GAK: variants seen among roughly 807,000 people sequenced by gnomAD.
GAK encodes the protein cyclin G associated kinase.
A neutral mutation model predicts 143.9 loss-of-function variants in GAK; 79 were observed. That is an observed-to-expected ratio of 0.55 (90% CI 0.46 to 0.66). The LOEUF is 0.66. Ranked by LOEUF, GAK falls within the 30% of genes least tolerant of loss-of-function variation. GAK has a pLI of 0.00. For missense variants in GAK, 1,693 were observed against 1,779.7 expected (o/e 0.95, Z 0.88); for synonymous variants, 881 against 765.5 (o/e 1.15, Z -2.49).
intron 18 of GAK, among the ~76,000 whole-genome samples, chr4:874,907 CAGA>C (rs1713518880): frequency 6.6e-6 from 1 of 152,208 alleles, no homozygotes; most frequent in Non-Finnish European, 1.5e-5. Context: ...GCGCTGCTGT[CAGA>C]AGATCTTTTC....
At chr4:884,264 C>T (rs1715790742) in intron 11 of GAK, 178 bp from the exon 12 acceptor site, 1 of 587,878 alleles carries the variant, frequency 1.7e-6, no homozygotes, top group Non-Finnish European at 3.0e-6. Flanking sequence ...TGTGTGCGTG[C>T]TGTGGAGCTG....
rs371053953 is a variant in GAK at position 856,647 on chromosome 4, CCTG to C, written c.3283+2956_3283+2958del. 2.4e-3 allele frequency among the ~76,000 whole-genome samples: 367 copies of C among 150,528 alleles called. 2 individuals carry two copies. Among genetic ancestry groups the C allele is most frequent in the African/African-American group, 8.7e-3 (356 of 40,992 alleles). ...CACCTGCTCACCACAGCTGCTCACA[CCTG>C]CTCACCATAGCTCACCACAGCTGCT... On this transcript the variant is annotated intron_variant, in intron 24 of 27. Coordinates refer to ENST00000314167, the MANE Select transcript of GAK (RefSeq NM_005255.4).
chr4:856,776 A>G (rs139084910), intron 24 of GAK, among the ~76,000 whole-genome samples: 7 of 152,330 alleles, frequency 4.6e-5, no homozygotes, highest in Middle Eastern at 3.4e-3. Context: ...GGGTCTCACT[A>G]TATTGCTCAA....
chr4:921,110 C>CT (rs369937374), intron 1 of GAK, among the ~76,000 whole-genome samples: 10,809 of 148,644 alleles, frequency 0.073, 507 homozygotes, highest in Non-Finnish European at 0.11. Flanking sequence ...TCTTCTTTTT[C>CT]TTTTTTTTTT....
chr4:893,722 G>A, intron 8 of GAK, 152 bp downstream of exon 8: 1 of 964,980 alleles, frequency 1.0e-6, no homozygotes, highest in Non-Finnish European at 1.4e-6. Context: ...GAGCTCTCTG[G>A]AAACCCCCCC....
In GAK at chr4:849,777, A is replaced by G. The variant is rs1207025517; in HGVS notation, c.3835-3T>C. Reference sequence around the variant, plus strand: ...TGCTCGTACGGCTGCCCCGCAGCCTATGGGTGACAGGCGGTGTAAGCGCCT... The same window carrying G: ...TGCTCGTACGGCTGCCCCGCAGCCTGTGGGTGACAGGCGGTGTAAGCGCCT... On this transcript the variant is annotated splice_region_variant and splice_polypyrimidine_tract_variant and intron_variant, in intron 27 of 27. Transcript: ENST00000314167. 1.9e-6 allele frequency: 3 copies of G among 1,608,374 alleles called. No homozygotes were observed. The highest frequency in any genetic ancestry group is 2.6e-6 in the Non-Finnish European group (3 of 1,176,216).
chr4:922,384 G>A (rs761851200), intron 1 of GAK, among the ~76,000 whole-genome samples: 1 of 152,004 alleles, frequency 6.6e-6, no homozygotes, highest in Non-Finnish European at 1.5e-5. Context: ...GCATGGTGGT[G>A]GGCGCCTGTA....
chr4:898,006 C>T (rs1167105478), intron 6 of GAK, 27 bp downstream of exon 6: 1 of 1,598,388 alleles, frequency 6.3e-7, no homozygotes, highest in Non-Finnish European at 8.5e-7. Flanking sequence ...GGCCAGCTTC[C>T]CCCAGCATAG....
chr4:879,991 C>A (rs558052078), intron 15 of GAK, among the ~76,000 whole-genome samples: 1 of 152,350 alleles, frequency 6.6e-6, no homozygotes, highest in East Asian at 1.9e-4. Flanking sequence ...AAGAGTGGCC[C>A]ACTGGACCGC....
intron 18 of GAK, among the ~76,000 whole-genome samples, chr4:875,878 T>C (rs912526047): frequency 4.6e-5 from 7 of 151,654 alleles, no homozygotes; most frequent in African/African-American, 1.7e-4. Context: ...GTGGGTGGAG[T>C]TGCAGTGAGC....
intron 24 of GAK, among the ~76,000 whole-genome samples, chr4:856,490 C>T (rs922560126): frequency 1.2e-4 from 18 of 144,316 alleles, no homozygotes; most frequent in African/African-American, 4.1e-4. Context: ...CACAGCTGCT[C>T]ACACCTACTC....
At chr4:903,640 A>AGGAATGCGGGGCCTGAACTGACACCACCG (rs1720434802) in intron 5 of GAK, among the ~76,000 whole-genome samples, 1 of 136,112 alleles carries the variant, frequency 7.3e-6, no homozygotes, top group Non-Finnish European at 1.6e-5. Context: ...TGACACCACC[A>AGGAATGCGGGGCCTGAACTGACACCACCG]GGGGACTGAG....
At chr4:925,405 A>G (rs1047409763) in intron 1 of GAK, among the ~76,000 whole-genome samples, 1 of 152,212 alleles carries the variant, frequency 6.6e-6, no homozygotes, top group Non-Finnish European at 1.5e-5. Flanking sequence ...GGGACGGGAC[A>G]GAGTGCCGGG....
chr4:862,140 C>T (rs1299135409), intron 23 of GAK, among the ~76,000 whole-genome samples: 1 of 151,832 alleles, frequency 6.6e-6, no homozygotes, highest in Non-Finnish European at 1.5e-5. Context: ...GCTGAGACCA[C>T]TGACGAAGGG....
intron 2 of GAK, 57 bp downstream of exon 2, chr4:913,550 C>T (rs1722406413): frequency 1.5e-6 from 2 of 1,303,334 alleles, no homozygotes; most frequent in Non-Finnish European, 2.2e-6. Flanking sequence ...AGACTGTCAC[C>T]AGACAGTCCC....
At chr4:905,010 T>C (rs1419266437) in intron 4 of GAK, among the ~76,000 whole-genome samples, 1 of 152,208 alleles carries the variant, frequency 6.6e-6, no homozygotes, top group Non-Finnish European at 1.5e-5. Context: ...AACTTCACCC[T>C]GTCTTCTGAT....
chr4:891,541 G>A (rs549331520), intron 9 of GAK, among the ~76,000 whole-genome samples: 2 of 152,084 alleles, frequency 1.3e-5, no homozygotes, highest in Non-Finnish European at 2.9e-5. Context: ...GCTTAAGCAG[G>A]GGTCTAACGT....
chr4:855,515 G>A (rs997794252), intron 24 of GAK, among the ~76,000 whole-genome samples: 50 of 152,168 alleles, frequency 3.3e-4, no homozygotes, highest in Admixed American at 3.1e-3. Context: ...GCAGACAATC[G>A]TGTCATCTGC....
At chr4:854,441 G>T (rs1010975602) in intron 24 of GAK, among the ~76,000 whole-genome samples, 2 of 152,166 alleles carry the variant, frequency 1.3e-5, no homozygotes, top group African/African-American at 4.8e-5. Context: ...GGTTTGGGTG[G>T]CGAGTCTACG....
Sources: allele counts gnomAD v4.1 joint callset (sites outside exome capture counted in the v4.1 genomes callset), GRCh38; gene constraint gnomAD v4.1.1; transcripts MANE v1.5; gene names NCBI Gene and HGNC (gene_info 2026-07-23, HGNC 2026-07-21).